Variants in AUTS2 observed in about 807,000 individuals in gnomAD.
AUTS2 encodes the protein autism susceptibility gene 2 protein.
In AUTS2, 17 loss-of-function variants were observed where a neutral mutation model predicts 112.4. The observed-to-expected ratio is 0.15, with a 90% CI of 0.10 to 0.23. The LOEUF is 0.23. AUTS2 is among the 10% of genes least tolerant of loss of function. AUTS2 has a pLI of 1.00. For synonymous variants in AUTS2, 751 were observed against 702.7 expected, an observed-to-expected ratio of 1.07 and a Z score of -1.09; for missense variants, 1,510 against 1,701.6, an observed-to-expected ratio of 0.89 and a Z score of 1.98.
Position 70,625,195 on chromosome 7 carries a change from C to T in AUTS2, c.691-73374C>T, listed in dbSNP as rs79720641. ...AGATTCTCTTGTAGTACATTTTATC[C>T]AACTAGGGGGTCATCTCTGTTCTCT... is the stretch of plus-strand genomic sequence containing the variant. On this transcript the variant is annotated intron_variant, in intron 5 of 18. Coordinates refer to ENST00000342771, the MANE Select transcript of AUTS2 (RefSeq NM_015570.4). Among the ~76,000 whole-genome samples the T allele has an allele frequency of 4.4e-3, 663 of 152,172 alleles. 5 individuals are homozygous for T. Among genetic ancestry groups the T allele is most frequent in the African/African-American group, 0.015 (629 of 41,504 alleles).
chr7:70,402,104 G>T (rs1157712608), intron 4 of AUTS2, among the ~76,000 whole-genome samples: 2 of 152,224 alleles, frequency 1.3e-5, no homozygotes, highest in Admixed American at 6.5e-5. Context: ...CCTGTATTTT[G>T]TGATGTCACA....
intron 1 of AUTS2, among the ~76,000 whole-genome samples, chr7:69,678,333 T>C (rs901961672): frequency 3.9e-5 from 6 of 152,150 alleles, no homozygotes; most frequent in African/African-American, 1.4e-4. Flanking sequence ...TCTGAAGTTA[T>C]CCCTTCACTG....
At chr7:70,161,242 T>C (rs368420089) in intron 4 of AUTS2, among the ~76,000 whole-genome samples, 12 of 151,968 alleles carry the variant, frequency 7.9e-5, no homozygotes, top group African/African-American at 2.9e-4. Flanking sequence ...TTTAATTTGC[T>C]GTGCTTGTTT....
chr7:69,762,153 A>G (rs1788212468), intron 1 of AUTS2, among the ~76,000 whole-genome samples: 1 of 152,144 alleles, frequency 6.6e-6, no homozygotes, highest in Non-Finnish European at 1.5e-5. Context: ...TTCAAGTTGT[A>G]GTTCCTGTCC....
At chr7:70,758,180 T>C (rs1253318155) in intron 6 of AUTS2, among the ~76,000 whole-genome samples, 1 of 152,190 alleles carries the variant, frequency 6.6e-6, no homozygotes, top group Non-Finnish European at 1.5e-5. Flanking sequence ...CATTCGGCAT[T>C]CTTTTTTACA....
chr7:70,050,470 G>A (rs374767350), intron 2 of AUTS2, among the ~76,000 whole-genome samples: 1 of 151,996 alleles, frequency 6.6e-6, no homozygotes, highest in Non-Finnish European at 1.5e-5. Context: ...CATGGAGTGG[G>A]TGGTGACGTG....
intron 4 of AUTS2, among the ~76,000 whole-genome samples, chr7:70,255,435 AAAT>A (rs1248539504): frequency 2.0e-5 from 3 of 152,218 alleles, no homozygotes; most frequent in Non-Finnish European, 4.4e-5. Flanking sequence ...TTGCAAAAAA[AAAT>A]AATGATGAAA....
rs536819282 is a variant in AUTS2 at position 69,811,352 on chromosome 7, G to A, written c.310-87934G>A. Among the ~76,000 whole-genome samples, 53 of 152,146 alleles carry A rather than the reference G, an allele frequency of 3.5e-4. 1 individual carries two copies. In the South Asian group the frequency reaches 0.01, roughly 29 times the overall value. On this transcript the variant is annotated intron_variant, in intron 1 of 18. Transcript: ENST00000342771. ...TTTAAGATGAATGTGTGGGTACCTA[G>A]CAAAGGTCTGGCATGTGATGGATAC...
chr7:69,621,949 C>T (rs1793684434), intron 1 of AUTS2, among the ~76,000 whole-genome samples: 1 of 151,514 alleles, frequency 6.6e-6, no homozygotes, highest in Admixed American at 6.6e-5. Flanking sequence ...CCAGTGGGGA[C>T]ACAACTAACT....
intron 2 of AUTS2, among the ~76,000 whole-genome samples, chr7:70,093,600 A>G (rs1021568770): frequency 1.3e-5 from 2 of 152,196 alleles, no homozygotes; most frequent in African/African-American, 2.4e-5. Flanking sequence ...GAGAGAAAGG[A>G]GATTATGAGG....
At chr7:70,712,953 T>G (rs1324105807) in intron 6 of AUTS2, among the ~76,000 whole-genome samples, 1 of 152,198 alleles carries the variant, frequency 6.6e-6, no homozygotes. Context: ...ACCTGATCTG[T>G]TCAAAGTGCC....
intron 5 of AUTS2, among the ~76,000 whole-genome samples, chr7:70,515,182 G>A (rs1015176711): frequency 3.3e-5 from 5 of 152,094 alleles, no homozygotes; most frequent in Admixed American, 6.6e-5. Flanking sequence ...GTGGGGAGCC[G>A]TTGAGGGTTA....
rs953623045 is a variant in AUTS2, at chr7:70,694,022, G to C, written c.691-4547G>C. On this transcript the variant is annotated intron_variant, in intron 5 of 18. Transcript: ENST00000342771. This position sits in a 1 kb window ranked among gnomAD's most constrained non-coding sequence, Gnocchi z 4.1. ...AGGGGCGGTGGCACCGGCGGCTCGG[G>C]CTCGGCGCGCCGAGGAAGTCCCGCT... 5 of 151,670 alleles carry C rather than the reference G, an allele frequency of 3.3e-5. No homozygotes were observed. The highest frequency in any genetic ancestry group is 1.2e-4 in the African/African-American group (5 of 41,396). 9.4% of individuals were successfully genotyped at this position (151,670 alleles called of 1,614,324 possible).
intron 5 of AUTS2, among the ~76,000 whole-genome samples, chr7:70,558,405 A>C (rs1484627681): frequency 6.6e-6 from 1 of 152,096 alleles, no homozygotes; most frequent in South Asian, 2.1e-4. Flanking sequence ...GGACCCTTCC[A>C]TGAAGGGGCA....
intron 5 of AUTS2, among the ~76,000 whole-genome samples, chr7:70,586,681 G>C (rs893026938): frequency 6.6e-6 from 1 of 152,120 alleles, no homozygotes; most frequent in Non-Finnish European, 1.5e-5. Context: ...CCTAAACTCT[G>C]GTGTGGGAAA....
intron 4 of AUTS2, among the ~76,000 whole-genome samples, chr7:70,410,358 T>C (rs1794719257): frequency 6.6e-6 from 1 of 152,132 alleles, no homozygotes; most frequent in South Asian, 2.1e-4. Flanking sequence ...ATATCTTAAA[T>C]CTGGAAAGTA....
intron 1 of AUTS2, among the ~76,000 whole-genome samples, chr7:69,819,541 C>T (rs1054425066): frequency 3.3e-5 from 5 of 152,216 alleles, no homozygotes; most frequent in African/African-American, 1.2e-4. Context: ...CAGGTGTATG[C>T]TGAGCTGCCT....
chr7:70,695,034 C>T (rs1469256494), intron 5 of AUTS2: 1 of 152,276 alleles, frequency 6.6e-6, no homozygotes, highest in African/African-American at 2.4e-5. Context: ...CCGTTTAACC[C>T]TTTGCAACCA....
rs946928040 is a variant in AUTS2 at position 69,840,323 on chromosome 7, G to A, written c.310-58963G>A. On this transcript the variant is annotated intron_variant, in intron 1 of 18. Transcript: ENST00000342771. ...GCTCTGAAACAAAATTAAGATTCTC[G>A]TCAAGGCTTGAGCTTATTAATAGCT... 8.5e-5 allele frequency among the ~76,000 whole-genome samples: 13 copies of A among 152,226 alleles called. No homozygotes were observed. In the South Asian group the frequency reaches 2.3e-3, roughly 27 times the overall value.
Sources: allele counts gnomAD v4.1 joint callset (sites outside exome capture counted in the v4.1 genomes callset), GRCh38; gene constraint gnomAD v4.1.1; non-coding constraint Gnocchi (gnomAD v3.1); transcripts MANE v1.5; gene names NCBI Gene and HGNC (gene_info 2026-07-23, HGNC 2026-07-21).